CHST8: variants seen among roughly 807,000 people sequenced by gnomAD.
CHST8 encodes the protein GALNAC-4-ST1.
A neutral mutation model predicts 15.0 loss-of-function variants in CHST8; 10 were observed. The ratio of observed to expected loss-of-function variants is 0.67; its 90% confidence interval spans 0.41 to 1.13. The LOEUF is 1.13. Among genes scored for constraint, CHST8 ranks in the 50% most tolerant of loss-of-function variants. CHST8 has a pLI of 0.00. For missense variants in CHST8, 634 were observed against 608.2 expected, an observed-to-expected ratio of 1.04 and a Z score of -0.45; for synonymous variants, 259 against 256.6, an observed-to-expected ratio of 1.01 and a Z score of -0.09.
chr19:33,643,741 G>A (rs1972314263), intron 1 of CHST8, among the ~76,000 whole-genome samples: 1 of 152,080 alleles, frequency 6.6e-6, no homozygotes, highest in South Asian at 2.1e-4. Context: ...TATCTTAGGA[G>A]GCAGATCCCC....
chr19:33,726,436 G>A (rs1466784410), intron 3 of CHST8, among the ~76,000 whole-genome samples: 2 of 152,160 alleles, frequency 1.3e-5, no homozygotes, highest in Non-Finnish European at 2.9e-5. Context: ...CATGCCTGTA[G>A]TCCCAGCTAC....
intron 1 of CHST8, among the ~76,000 whole-genome samples, chr19:33,638,841 A>G (rs769224229): frequency 7.2e-5 from 11 of 152,074 alleles, no homozygotes; most frequent in Non-Finnish European, 1.2e-4. Context: ...GTTGTCCTCC[A>G]TCCCCTGGTG....
At chr19:33,664,026 CA>C (rs1246988767) in intron 1 of CHST8, among the ~76,000 whole-genome samples, 1 of 152,194 alleles carries the variant, frequency 6.6e-6, no homozygotes. Flanking sequence ...CACAAAGCCA[CA>C]CTGTATGTCC....
At chr19:33,638,270 G>A (rs531582274) in intron 1 of CHST8, among the ~76,000 whole-genome samples, 14 of 152,220 alleles carry the variant, frequency 9.2e-5, no homozygotes, top group African/African-American at 3.4e-4. Context: ...CTGTATCTGT[G>A]CCTCCAGCCC....
chr19:33,747,199 A>T (rs147153341), intron 3 of CHST8, among the ~76,000 whole-genome samples: 3,197 of 152,190 alleles, frequency 0.021, 54 homozygotes, highest in Non-Finnish European at 0.027. Context: ...CCTTGCTATA[A>T]CTTGTTGTAG....
At chr19:33,684,373 G>A (rs2145249441) in intron 2 of CHST8, among the ~76,000 whole-genome samples, 1 of 152,324 alleles carries the variant, frequency 6.6e-6, no homozygotes, top group Admixed American at 6.5e-5. Flanking sequence ...GCCAAGGCCC[G>A]GCTCTGGGGA....
At chr19:33,765,066 A>ATG (rs969191422) in intron 3 of CHST8, among the ~76,000 whole-genome samples, 2 of 111,494 alleles carry the variant, frequency 1.8e-5, no homozygotes, top group Non-Finnish European at 3.9e-5. Flanking sequence ...ATATATATAT[A>ATG]TATATATCAG....
chr19:33,665,209 C>T (rs1281336841), intron 1 of CHST8, among the ~76,000 whole-genome samples: 1 of 152,194 alleles, frequency 6.6e-6, no homozygotes, highest in Non-Finnish European at 1.5e-5. Context: ...TCCCCACCAA[C>T]AGTGTACAAG....
At chr19:33,705,735 G>A (rs534805369) in intron 3 of CHST8, among the ~76,000 whole-genome samples, 100 of 152,120 alleles carry the variant, frequency 6.6e-4, no homozygotes, top group Non-Finnish European at 1.2e-3. Context: ...CACCATGGCA[G>A]CCACACTCAG....
chr19:33,700,576 C>T (rs1054800147), intron 3 of CHST8, among the ~76,000 whole-genome samples: 5 of 152,188 alleles, frequency 3.3e-5, no homozygotes, highest in African/African-American at 9.7e-5. Flanking sequence ...CCAGGCTCTC[C>T]GCTCAGGGCT....
chr19:33,767,641 C>G (rs536853637), intron 3 of CHST8, among the ~76,000 whole-genome samples: 1 of 152,304 alleles, frequency 6.6e-6, no homozygotes, highest in South Asian at 2.1e-4. Context: ...AGAGAAAGTG[C>G]TTGTTTATTT....
At chr19:33,757,603 A>AG (rs1974627741) in intron 3 of CHST8, among the ~76,000 whole-genome samples, 1 of 146,168 alleles carries the variant, frequency 6.8e-6, no homozygotes, top group African/African-American at 2.5e-5. Flanking sequence ...AAAGAAAGAA[A>AG]GAGCCGGCCA....
At chr19:33,736,337 G>A (rs1054047080) in intron 3 of CHST8, among the ~76,000 whole-genome samples, 4 of 152,212 alleles carry the variant, frequency 2.6e-5, no homozygotes, top group Non-Finnish European at 4.4e-5. Context: ...ATGGAGGGTA[G>A]GGGTGCTTGC....
Position 33,687,009 on chromosome 19 carries a change from C to T in CHST8, c.-86-2167C>T, listed in dbSNP as rs551450631. Among the ~76,000 whole-genome samples the T allele has an allele frequency of 1.4e-4, 21 of 152,362 alleles. 2 individuals are homozygous for T. Among genetic ancestry groups the T allele is most frequent in the South Asian group, 6.2e-4 (3 of 4,828 alleles). Reference sequence around the variant, plus strand: ...TCTGAGAGCCATGGCCCCCCTGTGTCGGTGCGTGACATCTTTTCCATTCTT... The same window carrying T: ...TCTGAGAGCCATGGCCCCCCTGTGTTGGTGCGTGACATCTTTTCCATTCTT... On this transcript the variant is annotated intron_variant, in intron 2 of 4. Coordinates refer to ENST00000650847, the MANE Select transcript of CHST8 (RefSeq NM_001127895.2).
chr19:33,630,000 G>C (rs377641363), intron 1 of CHST8, among the ~76,000 whole-genome samples: 1 of 152,238 alleles, frequency 6.6e-6, no homozygotes, highest in East Asian at 1.9e-4. Flanking sequence ...CCCCTAGCCC[G>C]GGCACAGACT....
In CHST8 at chr19:33,729,449, C is replaced by T. The variant is rs144840911; in HGVS notation, c.130+40058C>T. Among the ~76,000 whole-genome samples, 363 of 152,346 alleles carry T rather than the reference C, an allele frequency of 2.4e-3. 2 individuals are homozygous for T. The highest frequency in any genetic ancestry group is 8.4e-3 in the African/African-American group (349 of 41,578). On this transcript the variant is annotated intron_variant, in intron 3 of 4. Coordinates refer to ENST00000650847, the MANE Select transcript of CHST8 (RefSeq NM_001127895.2). ...TCACAGCGCGTGTGTAACTTAACCT[C>T]AGAAGTGACAGCCCGTCATTGTAGC...
At chr19:33,716,149 G>A (rs1973662610) in intron 3 of CHST8, among the ~76,000 whole-genome samples, 1 of 152,116 alleles carries the variant, frequency 6.6e-6, no homozygotes, top group South Asian at 2.1e-4. Flanking sequence ...AGTGTTCGTT[G>A]TAAAGATGCA....
Position 33,692,567 on chromosome 19 carries a change from C to T in CHST8, c.130+3176C>T, listed in dbSNP as rs987334186. ...AATAAATAAAATTAGCTGAGTGTAG[C>T]GGTACACACCTGTAGTCTCAGCAAC... On this transcript the variant is annotated intron_variant, in intron 3 of 4. Transcript: ENST00000650847. 2.0e-5 allele frequency among the ~76,000 whole-genome samples: 3 copies of T among 152,076 alleles called. 1 individual carries two copies. Among genetic ancestry groups the T allele is most frequent in the Non-Finnish European group, 4.4e-5 (3 of 68,024 alleles).
Position 33,689,234 on chromosome 19 carries a change from C to A in CHST8, c.-28C>A. 3 of 1,541,478 alleles carry A rather than the reference C, an allele frequency of 1.9e-6. No homozygotes were observed. Among genetic ancestry groups the A allele is most frequent in the Non-Finnish European group, 2.6e-6 (3 of 1,145,726 alleles). ...GAGGGAAGAACGTGCCCCCCACACC[C>A]AAGAGGTGACCCCTGAGCCAGCCCC... On this transcript the variant is annotated 5_prime_UTR_variant, in exon 3 of 5. Transcript: ENST00000650847.
Sources: allele counts gnomAD v4.1 joint callset (sites outside exome capture counted in the v4.1 genomes callset), GRCh38; gene constraint gnomAD v4.1.1; transcripts MANE v1.5; gene names NCBI Gene and HGNC (gene_info 2026-07-23, HGNC 2026-07-21).